The following CYB5R4 variants were observed in gnomAD, a reference collection of about 807,000 sequenced individuals.
CYB5R4 encodes the protein N-terminal cytochrome b5 and cytochrome b5 oxidoreductase domain-containing protein.
In CYB5R4, 55 loss-of-function variants were observed where a neutral mutation model predicts 70.2. That is an observed-to-expected ratio of 0.78 (90% CI 0.63 to 0.98). The LOEUF (loss-of-function observed/expected upper bound fraction) is 0.98, where lower values mean the gene tolerates loss of function less well. Ranked by LOEUF, CYB5R4 falls within the 50% of genes least tolerant of loss-of-function variation. CYB5R4 has a pLI of 0.00. For synonymous variants in CYB5R4, 197 were observed against 199.5 expected (o/e 0.99, Z 0.11); for missense variants, 562 against 612.6 (o/e 0.92, Z 0.87).
Position 83,859,700 on chromosome 6 carries a change from C to T in CYB5R4, c.-83C>T, listed in dbSNP as rs1183466820. The T allele has an allele frequency of 6.7e-7, 1 of 1,498,082 alleles. No individual in the cohort carries two copies. The highest frequency in any genetic ancestry group is 9.2e-7 in the Non-Finnish European group (1 of 1,090,228). 92.8% of individuals were successfully genotyped at this position (1,498,082 alleles called of 1,614,324 possible). ...CGGAAGTGGGTCGGGGGCTTGGCCT[C>T]TGCCCGGCCACAGAGCCGGAGCTGG... On this transcript the variant is annotated 5_prime_UTR_variant, in exon 1 of 16. Transcript: ENST00000369681.
At chr6:83,948,579 GT>G (rs1455259811) in intron 14 of CYB5R4, among the ~76,000 whole-genome samples, 1 of 152,048 alleles carries the variant, frequency 6.6e-6, no homozygotes, top group African/African-American at 2.4e-5. Context: ...ATTTCTGATG[GT>G]TTTTTGGCTA....
intron 9 of CYB5R4, among the ~76,000 whole-genome samples, chr6:83,924,028 C>A (rs766188379): frequency 7.0e-6 from 1 of 141,876 alleles, no homozygotes; most frequent in Non-Finnish European, 1.5e-5. Flanking sequence ...CAAGATCACG[C>A]CACTGCCCTC....
chr6:83,883,152 A>G (rs1457757489), intron 2 of CYB5R4, among the ~76,000 whole-genome samples: 2 of 152,212 alleles, frequency 1.3e-5, no homozygotes, highest in Non-Finnish European at 2.9e-5. Flanking sequence ...GAACTTGCAG[A>G]TAGATGAATA....
intron 9 of CYB5R4, among the ~76,000 whole-genome samples, chr6:83,923,382 G>A (rs2099466730): frequency 1.3e-5 from 2 of 152,206 alleles, no homozygotes; most frequent in South Asian, 4.2e-4. Flanking sequence ...GCTCTTTAAA[G>A]ACAAAGACCA....
intron 9 of CYB5R4, among the ~76,000 whole-genome samples, chr6:83,924,028 C>T (rs766188379): frequency 2.6e-4 from 37 of 141,876 alleles, no homozygotes; most frequent in Non-Finnish European, 4.8e-4. Context: ...CAAGATCACG[C>T]CACTGCCCTC....
At position 83,964,528 on chromosome 6, in the gene CYB5R4, T is replaced by A. The variant is rs1460674389; in HGVS notation, c.*4650T>A. On this transcript the variant is annotated 3_prime_UTR_variant, in exon 16 of 16. Coordinates refer to ENST00000369681, the MANE Select transcript of CYB5R4 (RefSeq NM_016230.4). ...AGCATTCAAGAGGTGACTCAAGTGT[T>A]GTTAAAGGCATTCAGTTTTAAAAGG... 1 of 152,352 alleles carries A rather than the reference T, an allele frequency of 6.6e-6. No individual in the cohort carries two copies. Among genetic ancestry groups the A allele is most frequent in the Non-Finnish European group, 1.5e-5 (1 of 68,158 alleles). 9.4% of individuals were successfully genotyped at this position (152,352 alleles called of 1,614,324 possible).
intron 1 of CYB5R4, 21 bp downstream of exon 1, chr6:83,859,878 G>A (rs772125332): frequency 1.8e-5 from 29 of 1,602,828 alleles, no homozygotes; most frequent in Middle Eastern, 3.3e-4. Flanking sequence ...GGCTCCGTGA[G>A]TCTCTCCCCT....
intron 2 of CYB5R4, among the ~76,000 whole-genome samples, chr6:83,878,269 T>C (rs763245521): frequency 1.3e-5 from 2 of 152,334 alleles, no homozygotes; most frequent in South Asian, 4.1e-4. Context: ...ACATGTCTAA[T>C]AGTTCCAATA....
At chr6:83,904,038 A>G (rs528930571) in intron 3 of CYB5R4, among the ~76,000 whole-genome samples, 3 of 152,112 alleles carry the variant, frequency 2.0e-5, no homozygotes, top group South Asian at 2.1e-4. Context: ...TCTATTTCAT[A>G]TAGTTCTGCT....
At chr6:83,944,484 G>A (rs2099470257) in intron 14 of CYB5R4, among the ~76,000 whole-genome samples, 3 of 152,046 alleles carry the variant, frequency 2.0e-5, no homozygotes, top group South Asian at 2.1e-4. Flanking sequence ...CAGAAACATA[G>A]CAGAATGTAA....
At chr6:83,880,221 A>G (rs2099459237) in intron 2 of CYB5R4, among the ~76,000 whole-genome samples, 1 of 152,178 alleles carries the variant, frequency 6.6e-6, no homozygotes, top group Non-Finnish European at 1.5e-5. Flanking sequence ...ATCACCTCAA[A>G]TATTTATCAT....
chr6:83,886,002 A>G (rs532565122), intron 2 of CYB5R4, among the ~76,000 whole-genome samples: 1 of 152,338 alleles, frequency 6.6e-6, no homozygotes, highest in East Asian at 1.9e-4. Context: ...TCTGCTGCTT[A>G]TAACGGAATA....
At chr6:83,915,527 G>A (rs1416475909) in intron 5 of CYB5R4, among the ~76,000 whole-genome samples, 1 of 152,194 alleles carries the variant, frequency 6.6e-6, no homozygotes, top group East Asian at 1.9e-4. Flanking sequence ...ATTACCGATA[G>A]ACTAGGCATT....
intron 15 of CYB5R4, among the ~76,000 whole-genome samples, chr6:83,959,318 A>G (rs752309514): frequency 6.6e-6 from 1 of 152,192 alleles, no homozygotes; most frequent in Non-Finnish European, 1.5e-5. Flanking sequence ...AAAAGATTTG[A>G]ACCTGTGTCT....
At chr6:83,874,363 T>A (rs949971866) in intron 2 of CYB5R4, among the ~76,000 whole-genome samples, 63 of 149,632 alleles carry the variant, frequency 4.2e-4, no homozygotes, top group South Asian at 6.4e-4. Context: ...GCTACTTTTT[T>A]AAAAAAAAAA....
chr6:83,864,364 G>T, intron 2 of CYB5R4, 36 bp downstream of exon 2: 4 of 1,571,310 alleles, frequency 2.5e-6, no homozygotes, highest in Non-Finnish European at 3.4e-6. Flanking sequence ...AAAAAATGTT[G>T]CCTGAACTTT....
At chr6:83,955,238 A>G (rs2099472156) in intron 14 of CYB5R4, 60 bp from the exon 15 acceptor site, 1 of 1,333,464 alleles carries the variant, frequency 7.5e-7, no homozygotes, top group Non-Finnish European at 1.0e-6. Context: ...TTGAACTTGA[A>G]ACATGTTAAT....
chr6:83,859,860 A>G lies in CYB5R4; in HGVS notation c.75+3A>G, dbSNP rs1304107928. On this transcript the variant is annotated splice_donor_region_variant and intron_variant, in intron 1 of 15. Coordinates refer to ENST00000369681, the MANE Select transcript of CYB5R4 (RefSeq NM_016230.4). ...TCGCCTCCGGGGGGCGTAGCAAGGT[A>G]AGCGGGTGGCTCCGTGAGTCTCTCC... 6.2e-7 allele frequency: 1 copy of G among 1,610,746 alleles called. No homozygotes were observed. The highest frequency in any genetic ancestry group is 2.2e-5 in the East Asian group (1 of 44,736).
At chr6:83,946,366 T>C (rs548514684) in intron 14 of CYB5R4, among the ~76,000 whole-genome samples, 35 of 152,258 alleles carry the variant, frequency 2.3e-4, no homozygotes, top group African/African-American at 8.2e-4. Flanking sequence ...TTCAATAAAA[T>C]TCAACACCCC....
Sources: gnomAD v4.1 joint callset for allele counts (sites outside exome capture counted in the v4.1 genomes callset) on GRCh38, gnomAD v4.1.1 for gene constraint, MANE v1.5 for transcripts, NCBI Gene and HGNC (gene_info 2026-07-23, HGNC 2026-07-21) for gene names.